The following FAM204A variants were observed in gnomAD, a reference collection of about 807,000 sequenced individuals.
The protein encoded by FAM204A is protein FAM204A.
FAM204A carries 16 observed loss-of-function variants against 35.4 expected under a neutral mutation model. That is an observed-to-expected ratio of 0.45 (90% CI 0.31 to 0.69). FAM204A has a LOEUF of 0.69. Ranked by LOEUF, FAM204A falls within the 30% of genes least tolerant of loss-of-function variation. The probability of loss-of-function intolerance (pLI) is 0.07; values close to 1 mark genes in which losing one functional copy is unlikely to be tolerated. For missense variants in FAM204A, 240 were observed against 265.7 expected (o/e 0.90, Z 0.67); for synonymous variants, 76 against 86.9 (o/e 0.88, Z 0.70).
rs1389425337 is a variant in FAM204A, at chr10:118,303,955, T to C, written c.*6902A>G. 6.6e-6 allele frequency: 1 copy of C among 152,284 alleles called. No homozygotes were observed. Among genetic ancestry groups the C allele is most frequent in the Non-Finnish European group, 1.5e-5 (1 of 68,082 alleles). The allele number at this position is 152,284 out of a possible 1,614,324, so 9.4% of individuals were successfully genotyped here. On this transcript the variant is annotated 3_prime_UTR_variant, in exon 9 of 9. Transcript: ENST00000369183. ...TGCTCCCTCCCTTACAAATGTTTCC[T>C]GAAGTGCATACTTTTACAAATCACC...
At chr10:118,341,183 G>A (rs866176496) in intron 2 of FAM204A, among the ~76,000 whole-genome samples, 1 of 152,270 alleles carries the variant, frequency 6.6e-6, no homozygotes, top group Middle Eastern at 3.4e-3. Flanking sequence ...ATATATTTGA[G>A]CAGCTCGATG....
At chr10:118,311,624 G>C in intron 7 of FAM204A, 1 of 226,700 alleles carries the variant, frequency 4.4e-6, no homozygotes, top group Non-Finnish European at 8.5e-6. Context: ...GCAGTAGGCT[G>C]AACAGGAATT....
At chr10:118,339,804 A>AG (rs1324422210) in intron 2 of FAM204A, among the ~76,000 whole-genome samples, 1 of 19,428 alleles carries the variant, frequency 5.1e-5, no homozygotes, top group Non-Finnish European at 1.6e-4. Flanking sequence ...AATTATCCTC[A>AG]AGACATTCTG....
chr10:118,337,251 C>CTAT (rs529806156), intron 2 of FAM204A: 527 of 984,974 alleles, frequency 5.4e-4, no homozygotes, highest in Non-Finnish European at 6.1e-4. Context: ...ATGGCACAGT[C>CTAT]TATTTTAGCA....
rs139543971 is a variant in FAM204A at position 118,297,943 on chromosome 10, G to A, written c.*12914C>T. 2.2e-3 allele frequency: 332 copies of A among 152,334 alleles called. 1 individual carries two copies. Among genetic ancestry groups the A allele is most frequent in the African/African-American group, 7.6e-3 (318 of 41,570 alleles). 9.4% of individuals were successfully genotyped at this position (152,334 alleles called of 1,614,324 possible). A position where few individuals can be genotyped will look rare whatever the true frequency, so the allele number is the denominator to read the frequency against. On this transcript the variant is annotated 3_prime_UTR_variant, in exon 9 of 9. Coordinates refer to ENST00000369183, the MANE Select transcript of FAM204A (RefSeq NM_022063.3). The stretch of plus-strand genomic sequence containing the variant: ...ATTATACTTAGCTGCAATTGACCAT[G>A]TTTTATTGCTGAATTGTCACAACAG...
At chr10:118,311,085 A>T (rs1366719660) in intron 8 of FAM204A, 122 bp downstream of exon 8, 1 of 1,067,994 alleles carries the variant, frequency 9.4e-7, no homozygotes, top group African/African-American at 1.6e-5. Context: ...TCTGATAAAC[A>T]TTCAACGAAG....
intron 7 of FAM204A, among the ~76,000 whole-genome samples, chr10:118,313,183 C>G (rs1254760163): frequency 6.6e-6 from 1 of 152,042 alleles, no homozygotes; most frequent in African/African-American, 2.4e-5. Flanking sequence ...TAACACCTAT[C>G]AACTAGTTAG....
At chr10:118,336,133 C>A in intron 3 of FAM204A, 49 bp downstream of exon 3, 2 of 1,583,246 alleles carry the variant, frequency 1.3e-6, no homozygotes, top group South Asian at 1.2e-5. Context: ...CACACAGAGG[C>A]ATGTGCACAC....
intron 7 of FAM204A, 149 bp from the exon 8 acceptor site, chr10:118,311,462 T>G: frequency 1.5e-6 from 1 of 653,274 alleles, no homozygotes; most frequent in Non-Finnish European, 2.6e-6. Context: ...CAAAGTATAA[T>G]GAATACAAAG....
intron 8 of FAM204A, 35 bp from the exon 9 acceptor site, chr10:118,310,943 C>A: frequency 1.3e-6 from 2 of 1,535,144 alleles, no homozygotes; most frequent in Non-Finnish European, 1.8e-6. Flanking sequence ...CAATTTATTT[C>A]TTAAAAAAAA....
Position 118,335,225 on chromosome 10 carries a change from T to G in FAM204A, c.354-12A>C. The G allele has an allele frequency of 6.2e-7, 1 of 1,607,520 alleles. No homozygotes were observed. The highest frequency in any genetic ancestry group is 8.5e-7 in the Non-Finnish European group (1 of 1,175,694). On this transcript the variant is annotated splice_polypyrimidine_tract_variant and intron_variant, in intron 5 of 8. Coordinates refer to ENST00000369183, the MANE Select transcript of FAM204A (RefSeq NM_022063.3). ...TTGAGGACGGTTCACTAAAAGAAGA[T>G]AGTAAGTTTTGTTTTATACAATATA... is the stretch of plus-strand genomic sequence containing the variant.
At chr10:118,330,333 A>G (rs758897154) in intron 6 of FAM204A, among the ~76,000 whole-genome samples, 2 of 152,168 alleles carry the variant, frequency 1.3e-5, no homozygotes, top group Non-Finnish European at 2.9e-5. Flanking sequence ...GACCTGCTCC[A>G]ACCATTCATC....
At chr10:118,328,044 T>C (rs544922596) in intron 6 of FAM204A, among the ~76,000 whole-genome samples, 1 of 152,182 alleles carries the variant, frequency 6.6e-6, no homozygotes, top group Non-Finnish European at 1.5e-5. Context: ...ATAAGGAAAG[T>C]AGTACACTGA....
chr10:118,327,573 AT>A (rs1209771418), intron 6 of FAM204A, among the ~76,000 whole-genome samples: 1 of 152,154 alleles, frequency 6.6e-6, no homozygotes, highest in African/African-American at 2.4e-5. Context: ...CTCCAGAAAC[AT>A]CCCTTTCTTC....
rs902831594 is a variant in FAM204A at position 118,301,935 on chromosome 10, G to A, written c.*8922C>T. ...ATTTGCTGGCATCAGCAACACACCT[G>A]CCTCCGTCCTTTTTCTCCAAAGTTT... On this transcript the variant is annotated 3_prime_UTR_variant, in exon 9 of 9. Transcript: ENST00000369183. The A allele has an allele frequency of 1.4e-4, 21 of 152,532 alleles. No homozygotes were observed. Among genetic ancestry groups the A allele is most frequent in the African/African-American group, 4.6e-4 (19 of 41,428 alleles). The allele number at this position is 152,532 out of a possible 1,614,324, so 9.4% of individuals were successfully genotyped here. A position where few individuals can be genotyped will look rare whatever the true frequency, so the allele number is the denominator to read the frequency against.
rs2119765254 is a variant in FAM204A, at chr10:118,302,397, A to G, written c.*8460T>C. 1 of 152,338 alleles carries G rather than the reference A, an allele frequency of 6.6e-6. No homozygotes were observed. Among genetic ancestry groups the G allele is most frequent in the East Asian group, 1.9e-4 (1 of 5,186 alleles). 9.4% of individuals were successfully genotyped at this position (152,338 alleles called of 1,614,324 possible). A position where few individuals can be genotyped will look rare whatever the true frequency, so the allele number is the denominator to read the frequency against. ...GGAGGTAAAGGAAGCAGCAAAACAA[A>G]TCTTGAAAAAGGCAGCTTGCTCCTG... On this transcript the variant is annotated 3_prime_UTR_variant, in exon 9 of 9. Coordinates refer to ENST00000369183, the MANE Select transcript of FAM204A (RefSeq NM_022063.3).
intron 7 of FAM204A, among the ~76,000 whole-genome samples, chr10:118,314,086 T>C (rs1265212492): frequency 6.6e-6 from 1 of 152,246 alleles, no homozygotes; most frequent in Admixed American, 6.5e-5. Context: ...CATATGTTCC[T>C]TAATACAGTA....
chr10:118,327,301 T>C (rs1053133959), intron 6 of FAM204A, among the ~76,000 whole-genome samples: 1 of 152,180 alleles, frequency 6.6e-6, no homozygotes, highest in African/African-American at 2.4e-5. Flanking sequence ...TGAGATGAGA[T>C]GTAAAAAATA....
intron 2 of FAM204A, chr10:118,337,167 A>G: frequency 1.2e-6 from 1 of 859,182 alleles, no homozygotes; most frequent in Non-Finnish European, 1.4e-6. Context: ...GTTTAATAAA[A>G]TGACTTAAAA....
Sources: gnomAD v4.1 joint callset for allele counts (sites outside exome capture counted in the v4.1 genomes callset) on GRCh38, gnomAD v4.1.1 for gene constraint, MANE v1.5 for transcripts, NCBI Gene and HGNC (gene_info 2026-07-23, HGNC 2026-07-21) for gene names.